The following NXN variants were observed in gnomAD, a reference collection of about 807,000 sequenced individuals.
The protein encoded by NXN is nucleoredoxin, also known as nucleoredoxin 1.
Under a neutral mutation model 48.6 loss-of-function variants are expected in NXN, and 16 were observed. The observed-to-expected ratio is 0.33, with a 90% CI of 0.22 to 0.50. The LOEUF is 0.50. NXN is among the 20% of genes least tolerant of loss of function. NXN has a pLI of 0.98. For missense variants in NXN, 492 were observed against 605.5 expected (o/e 0.81, Z 1.97); for synonymous variants, 281 against 269.6 (o/e 1.04, Z -0.41).
rs1030372334 is a variant in NXN at position 956,507 on chromosome 17, G to A, written c.360+22812C>T. Among the ~76,000 whole-genome samples, 1 of 152,128 alleles carries A rather than the reference G, an allele frequency of 6.6e-6. No individual in the cohort carries two copies. The highest frequency in any genetic ancestry group is 2.1e-4 in the South Asian group (1 of 4,832). ...CAGCTCACTGCAACCTCCACCTCCC[G>A]GGTTCCCGCCATTCTCCTGCCTCAG... On this transcript the variant is annotated intron_variant, in intron 1 of 7. Coordinates refer to ENST00000336868, the MANE Select transcript of NXN (RefSeq NM_022463.5). The surrounding 1 kb of genome is among the most constrained non-coding windows in gnomAD (Gnocchi z 4.1).
At chr17:929,780 C>T (rs2068835406) in intron 1 of NXN, 1 of 151,088 alleles carries the variant, frequency 6.6e-6, no homozygotes, top group Non-Finnish European at 1.5e-5. Flanking sequence ...GGAATCCTTG[C>T]TTCACTTCCG....
At chr17:876,152 A>G (rs2068211889) in intron 1 of NXN, among the ~76,000 whole-genome samples, 1 of 151,784 alleles carries the variant, frequency 6.6e-6, no homozygotes, top group South Asian at 2.1e-4. Context: ...ACTGCACTCC[A>G]GCCTGGGCGA....
At chr17:834,926 C>T (rs945748554) in intron 1 of NXN, among the ~76,000 whole-genome samples, 3 of 151,696 alleles carry the variant, frequency 2.0e-5, no homozygotes, top group Non-Finnish European at 4.4e-5. Flanking sequence ...GCGTGAGCCA[C>T]CACGCCTGGC....
At chr17:840,406 C>T (rs1296963625) in intron 1 of NXN, among the ~76,000 whole-genome samples, 1 of 151,968 alleles carries the variant, frequency 6.6e-6, no homozygotes, top group Non-Finnish European at 1.5e-5. Flanking sequence ...GTGGCGCCAT[C>T]TCGGCTCATT....
chr17:892,860 C>G (rs2068438200), intron 1 of NXN, among the ~76,000 whole-genome samples: 1 of 152,324 alleles, frequency 6.6e-6, no homozygotes, highest in East Asian at 1.9e-4. Context: ...ACAATAAACC[C>G]TAAGGTAAGC....
intron 1 of NXN, among the ~76,000 whole-genome samples, chr17:834,077 T>TG (rs1367890882): frequency 6.6e-6 from 1 of 152,120 alleles, no homozygotes; most frequent in Non-Finnish European, 1.5e-5. Flanking sequence ...CCCAGCACTC[T>TG]GGGGGGACGA....
chr17:924,658 C>G (rs534677094), intron 1 of NXN, among the ~76,000 whole-genome samples: 63 of 152,368 alleles, frequency 4.1e-4, no homozygotes, highest in African/African-American at 1.5e-3. Flanking sequence ...TCACCACCAT[C>G]TGTCTCCAGA....
At chr17:821,571 C>T (rs1353239023) in intron 4 of NXN, among the ~76,000 whole-genome samples, 1 of 77,302 alleles carries the variant, frequency 1.3e-5, no homozygotes, top group Admixed American at 1.2e-4. Context: ...TCCTGGCTAA[C>T]ATGGTGAAAC....
intron 1 of NXN, among the ~76,000 whole-genome samples, chr17:850,085 A>G (rs1472042946): frequency 6.8e-6 from 1 of 146,932 alleles, no homozygotes; most frequent in Non-Finnish European, 1.5e-5. Flanking sequence ...AACAACTCCT[A>G]ACTAAGACAG....
chr17:957,299 C>A (rs2069181645), intron 1 of NXN, among the ~76,000 whole-genome samples: 1 of 151,382 alleles, frequency 6.6e-6, no homozygotes, highest in Non-Finnish European at 1.5e-5. Context: ...AAGCCAGGAA[C>A]CCCCCGGGAT....
intron 1 of NXN, 52 bp downstream of exon 1, chr17:979,267 G>GGGTAACGGGCGTGGGGGGCGGGCAGC: frequency 7.4e-7 from 1 of 1,343,072 alleles, no homozygotes; most frequent in Non-Finnish European, 9.7e-7. Flanking sequence ...GGGCGGGCAG[G>GGGTAACGGGCGTGGGGGGCGGGCAGC]GGTAACGGGC....
Position 849,522 on chromosome 17 carries a change from A to C in NXN, c.361-23444T>G, listed in dbSNP as rs2067901051. On this transcript the variant is annotated intron_variant, in intron 1 of 7. Transcript: ENST00000336868. The surrounding 1 kb of genome is among the most constrained non-coding windows in gnomAD (Gnocchi z 4.2). ...CACTCCATCCTGGACGACAGACAAA[A>C]AAAAAAGATGGGAGCTTCCCAACCA... Among the ~76,000 whole-genome samples the C allele has an allele frequency of 6.6e-6, 1 of 151,558 alleles. No homozygotes were observed. Among genetic ancestry groups the C allele is most frequent in the Non-Finnish European group, 1.5e-5 (1 of 67,850 alleles).
rs1335170547 is a variant in NXN, at chr17:841,494, C to T, written c.361-15416G>A. ...CGGGCGAGCAGGTCCCCCCTGACCA[C>T]GGCGCATCTCACACGGGCGAGCAGG... On this transcript the variant is annotated intron_variant, in intron 1 of 7. Coordinates refer to ENST00000336868, the MANE Select transcript of NXN (RefSeq NM_022463.5). Among the ~76,000 whole-genome samples, 247 of 138,572 alleles carry T rather than the reference C, an allele frequency of 1.8e-3. 1 individual carries two copies. The highest frequency in any genetic ancestry group is 4.2e-3 in the Middle Eastern group (1 of 236). The allele number at this position is 138,572 out of a possible 152,430, so 90.9% of individuals were successfully genotyped here. A position where few individuals can be genotyped will look rare whatever the true frequency, so the allele number is the denominator to read the frequency against.
intron 5 of NXN, among the ~76,000 whole-genome samples, chr17:812,218 C>T (rs1912096078): frequency 1.3e-5 from 2 of 152,254 alleles, no homozygotes; most frequent in African/African-American, 4.8e-5. Context: ...TGAGCCACTG[C>T]GCGTGGCCTG....
At chr17:912,980 A>AAAAG (rs1002419415) in intron 1 of NXN, among the ~76,000 whole-genome samples, 9 of 152,126 alleles carry the variant, frequency 5.9e-5, no homozygotes, top group African/African-American at 2.2e-4. Flanking sequence ...AAGGACGGAA[A>AAAAG]AAAGAAAGAA....
At chr17:931,464 C>A (rs902114426) in intron 1 of NXN, among the ~76,000 whole-genome samples, 4 of 146,234 alleles carry the variant, frequency 2.7e-5, no homozygotes, top group African/African-American at 7.6e-5. Flanking sequence ...AAAAAAAAAA[C>A]AAGAAAGATA....
chr17:835,650 G>T (rs72477054), intron 1 of NXN, among the ~76,000 whole-genome samples: 2 of 152,118 alleles, frequency 1.3e-5, no homozygotes, highest in Non-Finnish European at 2.9e-5. Flanking sequence ...ACCGGGAAAC[G>T]GTAAAAATGC....
chr17:963,749 T>C (rs2069267105), intron 1 of NXN, among the ~76,000 whole-genome samples: 1 of 152,176 alleles, frequency 6.6e-6, no homozygotes, highest in Non-Finnish European at 1.5e-5. Context: ...ACAGTGATGT[T>C]ATCTTTGGAA....
At chr17:829,225 T>C (rs1329844483) in intron 1 of NXN, among the ~76,000 whole-genome samples, 5 of 151,666 alleles carry the variant, frequency 3.3e-5, no homozygotes, top group Non-Finnish European at 7.4e-5. Context: ...GGCACGATCT[T>C]GGCTCACTGC....
Sources: allele counts gnomAD v4.1 joint callset (sites outside exome capture counted in the v4.1 genomes callset), GRCh38; gene constraint gnomAD v4.1.1; non-coding constraint Gnocchi (gnomAD v3.1); transcripts MANE v1.5; gene names NCBI Gene and HGNC (gene_info 2026-07-23, HGNC 2026-07-21).